KIAA1328: variants seen among roughly 807,000 people sequenced by gnomAD.
The protein encoded by KIAA1328 is protein hinderin.
In KIAA1328, 52 loss-of-function variants were observed where a neutral mutation model predicts 68.1. The observed-to-expected ratio is 0.76, with a 90% confidence interval of 0.61 to 0.96. KIAA1328 has a LOEUF of 0.96. Ranked by LOEUF, KIAA1328 falls within the 40% of genes least tolerant of loss-of-function variation. The pLI is 0.00. For synonymous variants in KIAA1328, 232 were observed against 239.4 expected (o/e 0.97, Z 0.28); for missense variants, 641 against 677.6 (o/e 0.95, Z 0.60).
chr18:37,229,164 GGGA>G (rs1568559965), downstream of KIAA1328, among the ~76,000 whole-genome samples: 5 of 152,162 alleles, frequency 3.3e-5, no homozygotes. Context: ...CAGACCGTGT[GGGA>G]GGAGGAGAGG....
intron 7 of KIAA1328, among the ~76,000 whole-genome samples, chr18:37,091,634 C>G (rs1331501301): frequency 6.6e-6 from 1 of 152,152 alleles, no homozygotes; most frequent in African/African-American, 2.4e-5. Context: ...TTTAGGAGAT[C>G]AGCCTCCATC....
intron 4 of KIAA1328, among the ~76,000 whole-genome samples, chr18:36,850,367 G>A (rs2047172752): frequency 6.6e-6 from 1 of 151,934 alleles, no homozygotes; most frequent in African/African-American, 2.4e-5. Flanking sequence ...TTAATAAGCT[G>A]TAATAGTTTT....
Position 37,141,967 on chromosome 18 carries a change from G to A in KIAA1328, c.1233-18233G>A, listed in dbSNP as rs181857942. 2.3e-3 allele frequency among the ~76,000 whole-genome samples: 355 copies of A among 152,252 alleles called. 1 individual carries two copies. The highest frequency in any genetic ancestry group is 4.8e-3 in the Admixed American group (74 of 15,298). On this transcript the variant is annotated intron_variant, in intron 7 of 9. Coordinates refer to ENST00000280020, the MANE Select transcript of KIAA1328 (RefSeq NM_020776.3). ...TTTGGATACAAAGTCTTCATCAGATGTATTGTGAATATTTTCTCCCAGTAT... is the reference window on the plus strand; with the variant it reads ...TTTGGATACAAAGTCTTCATCAGATATATTGTGAATATTTTCTCCCAGTAT...
downstream of KIAA1328, chr18:37,230,508 C>T (rs1039425660): frequency 2.0e-5 from 3 of 152,156 alleles, no homozygotes; most frequent in Non-Finnish European, 4.4e-5. Flanking sequence ...TCCTTTAGTC[C>T]GTAAGCCCAG....
In KIAA1328 at chr18:36,975,299, C is replaced by A. The variant is rs865826325; in HGVS notation, c.576+15864C>A. ...CCGGGTTCACGCCATTCTCCTGCCT[C>A]AGCCTCCCAAGTAGCTGGGACTACA... On this transcript the variant is annotated intron_variant, in intron 6 of 9. Coordinates refer to ENST00000280020, the MANE Select transcript of KIAA1328 (RefSeq NM_020776.3). Among the ~76,000 whole-genome samples, 330 of 151,092 alleles carry A rather than the reference C, an allele frequency of 2.2e-3. 1 individual carries two copies. Among genetic ancestry groups the A allele is most frequent in the African/African-American group, 7.6e-3 (313 of 41,244 alleles).
At chr18:37,062,303 TAC>T (rs1469205723) in intron 6 of KIAA1328, among the ~76,000 whole-genome samples, 1 of 152,224 alleles carries the variant, frequency 6.6e-6, no homozygotes, top group Non-Finnish European at 1.5e-5. Context: ...ACACACCACA[TAC>T]AATGTTCTCC....
intron 5 of KIAA1328, among the ~76,000 whole-genome samples, chr18:36,953,355 A>G (rs966422356): frequency 6.8e-6 from 1 of 146,274 alleles, no homozygotes; most frequent in Admixed American, 7.0e-5. Context: ...CAAAGCAGAT[A>G]TAGCCAATGC....
intron 7 of KIAA1328, among the ~76,000 whole-genome samples, chr18:37,107,241 AAAAC>A (rs920923251): frequency 2.3e-4 from 35 of 152,318 alleles, no homozygotes; most frequent in African/African-American, 7.7e-4. Context: ...TCTGTCTTAA[AAAAC>A]AAACAAACAA....
intron 4 of KIAA1328, among the ~76,000 whole-genome samples, chr18:36,848,144 T>G (rs1672080655): frequency 6.6e-6 from 1 of 151,738 alleles, no homozygotes; most frequent in African/African-American, 2.4e-5. Context: ...TGAAGTTTAT[T>G]GGACATACAG....
At chr18:36,862,881 C>A (rs1177086144) in intron 4 of KIAA1328, among the ~76,000 whole-genome samples, 2 of 152,092 alleles carry the variant, frequency 1.3e-5, no homozygotes, top group Non-Finnish European at 2.9e-5. Flanking sequence ...TATCCCATCT[C>A]TATTTTAATT....
At chr18:37,111,790 G>A (rs1355766185) in intron 7 of KIAA1328, among the ~76,000 whole-genome samples, 3 of 152,200 alleles carry the variant, frequency 2.0e-5, no homozygotes, top group African/African-American at 7.2e-5. Flanking sequence ...AGCCATGACA[G>A]ACAGCACCTG....
intron 5 of KIAA1328, among the ~76,000 whole-genome samples, chr18:36,930,617 T>C (rs2050276536): frequency 6.6e-6 from 1 of 152,146 alleles, no homozygotes; most frequent in Admixed American, 6.5e-5. Flanking sequence ...TATTCTTTAA[T>C]GGGCATTTTG....
intron 5 of KIAA1328, among the ~76,000 whole-genome samples, chr18:36,932,934 G>A (rs776405055): frequency 3.9e-5 from 6 of 152,166 alleles, no homozygotes; most frequent in Non-Finnish European, 8.8e-5. Context: ...TTTACAATTA[G>A]CGGACACAAA....
intron 6 of KIAA1328, among the ~76,000 whole-genome samples, chr18:36,972,612 A>G (rs566795073): frequency 1.5e-4 from 23 of 152,276 alleles, no homozygotes; most frequent in African/African-American, 5.1e-4. Flanking sequence ...ACACTAAGCA[A>G]TCAAGCACTG....
chr18:37,069,260 G>GT (rs35780871), intron 7 of KIAA1328, among the ~76,000 whole-genome samples: 7,110 of 133,618 alleles, frequency 0.053, 254 homozygotes, highest in Non-Finnish European at 0.076. Context: ...ATTTGCATCA[G>GT]TTTTTTTTTT....
At chr18:37,100,831 G>A (rs2151868467) in intron 7 of KIAA1328, among the ~76,000 whole-genome samples, 1 of 152,256 alleles carries the variant, frequency 6.6e-6, no homozygotes, top group African/African-American at 2.4e-5. Flanking sequence ...ACTTCCAGAG[G>A]AACGATCAGG....
At position 36,846,054 on chromosome 18, in the gene KIAA1328, A is replaced by G. The variant is rs76820224; in HGVS notation, c.332+1752A>G. 9.8e-3 allele frequency among the ~76,000 whole-genome samples: 1,493 copies of G among 151,690 alleles called. 8 individuals are homozygous for G. The highest frequency in any genetic ancestry group is 0.015 in the Non-Finnish European group (990 of 67,586). On this transcript the variant is annotated intron_variant, in intron 4 of 9. Coordinates refer to ENST00000280020, the MANE Select transcript of KIAA1328 (RefSeq NM_020776.3). Reference sequence around the variant, plus strand: ...GGGAATCATTTGTTCTTCATTTCTTAAAATTTGCTGAGTTTCCTCTACTGG... The same window carrying G: ...GGGAATCATTTGTTCTTCATTTCTTGAAATTTGCTGAGTTTCCTCTACTGG...
At chr18:36,872,751 C>T (rs1255940228) in intron 4 of KIAA1328, among the ~76,000 whole-genome samples, 3 of 152,066 alleles carry the variant, frequency 2.0e-5, no homozygotes, top group East Asian at 1.9e-4. Context: ...CAACAGACAC[C>T]GGTGCAGTTA....
chr18:37,165,322 C>T (rs923977711), intron 8 of KIAA1328, among the ~76,000 whole-genome samples: 1 of 152,136 alleles, frequency 6.6e-6, no homozygotes, highest in Non-Finnish European at 1.5e-5. Flanking sequence ...AGTAGACTTC[C>T]ATGCCTTGTT....
Sources: gnomAD v4.1 joint callset for allele counts (sites outside exome capture counted in the v4.1 genomes callset) on GRCh38, gnomAD v4.1.1 for gene constraint, MANE v1.5 for transcripts, NCBI Gene and HGNC (gene_info 2026-07-23, HGNC 2026-07-21) for gene names.